Variants in MGAT4C observed in about 807,000 individuals in gnomAD.
The protein encoded by MGAT4C is MGAT4 family member C, also known as alpha-1,3-mannosyl-glycoprotein 4-beta-N-acetylglucosaminyltransferase C.
A neutral mutation model predicts 40.1 loss-of-function variants in MGAT4C; 19 were observed. That is an observed-to-expected ratio of 0.47 (90% CI 0.33 to 0.70). The LOEUF is 0.70. Among genes scored for constraint, MGAT4C ranks in the 30% least tolerant of loss-of-function variants. The probability of loss-of-function intolerance (pLI) is 0.02; values close to 1 mark genes in which losing one functional copy is unlikely to be tolerated. For missense variants in MGAT4C, 491 were observed against 563.2 expected (o/e 0.87, Z 1.30); for synonymous variants, 181 against 187.1 (o/e 0.97, Z 0.27).
chr12:86,480,160 A>T (rs73191472), intron 2 of MGAT4C, among the ~76,000 whole-genome samples: 15,232 of 151,792 alleles, frequency 0.1, 999 homozygotes, highest in Middle Eastern at 0.25. Flanking sequence ...TTTGGAAAAA[A>T]ATACACTAAA....
At chr12:86,796,741 G>A (rs2136198707) in intron 1 of MGAT4C, among the ~76,000 whole-genome samples, 1 of 151,882 alleles carries the variant, frequency 6.6e-6, no homozygotes, top group East Asian at 1.9e-4. Flanking sequence ...CCTAGATTTA[G>A]TCATTCCACA....
At chr12:86,250,625 G>A (rs1004838514) in intron 1 of MGAT4C, among the ~76,000 whole-genome samples, 2 of 152,030 alleles carry the variant, frequency 1.3e-5, no homozygotes, top group African/African-American at 2.4e-5. Flanking sequence ...AAGTAAAACA[G>A]AGTAAAAGAT....
chr12:86,676,977 G>C (rs1164860541), intron 2 of MGAT4C, among the ~76,000 whole-genome samples: 2 of 152,046 alleles, frequency 1.3e-5, no homozygotes, highest in Non-Finnish European at 2.9e-5. Context: ...TCCTATTGAA[G>C]GACCTGTGTA....
At chr12:86,094,723 C>T (rs999766411) in intron 1 of MGAT4C, among the ~76,000 whole-genome samples, 3 of 151,988 alleles carry the variant, frequency 2.0e-5, no homozygotes, top group Non-Finnish European at 4.4e-5. Flanking sequence ...GAGTATGAGG[C>T]CTTGAAATTT....
intron 1 of MGAT4C, among the ~76,000 whole-genome samples, chr12:86,828,460 T>C (rs1952851915): frequency 6.6e-6 from 1 of 151,518 alleles, no homozygotes; most frequent in African/African-American, 2.4e-5. Context: ...GCTGTATTCT[T>C]AGCTTTTAAA....
intron 1 of MGAT4C, among the ~76,000 whole-genome samples, chr12:86,770,941 A>C (rs895402165): frequency 3.9e-5 from 6 of 152,148 alleles, no homozygotes; most frequent in African/African-American, 1.4e-4. Flanking sequence ...TGTTGAGTTC[A>C]TAACTGTCAA....
intron 3 of MGAT4C, among the ~76,000 whole-genome samples, chr12:86,402,597 A>G (rs1179719386): frequency 1.3e-5 from 2 of 152,196 alleles, no homozygotes; most frequent in Non-Finnish European, 2.9e-5. Flanking sequence ...AGATATCAGT[A>G]GACAGAGATA....
chr12:86,668,445 C>T (rs1964169839), intron 2 of MGAT4C, among the ~76,000 whole-genome samples: 6 of 152,172 alleles, frequency 3.9e-5, no homozygotes, highest in Admixed American at 3.9e-4. Flanking sequence ...CTCTTTGTTT[C>T]TCCCAAGCCC....
chr12:86,143,230 G>C (rs1357332643), intron 1 of MGAT4C, among the ~76,000 whole-genome samples: 1 of 152,174 alleles, frequency 6.6e-6, no homozygotes, highest in African/African-American at 2.4e-5. Context: ...TCTACATAGT[G>C]AAGCCAGATG....
chr12:86,011,795 C>T (rs1315158030), intron 2 of MGAT4C: 2 of 979,440 alleles, frequency 2.0e-6, no homozygotes, highest in Non-Finnish European at 2.4e-6. Flanking sequence ...CAGACACAAA[C>T]TCACCATCCT....
Position 86,765,051 on chromosome 12 carries a change from G to T in MGAT4C, c.-261-37810C>A, listed in dbSNP as rs1011184697. 2.0e-5 allele frequency among the ~76,000 whole-genome samples: 3 copies of T among 152,178 alleles called. No individual in the cohort carries two copies. In the South Asian group the frequency reaches 6.2e-4, roughly 31 times the overall value. On this transcript the variant is annotated intron_variant, in intron 1 of 7. Coordinates refer to the MGAT4C transcript ENST00000548651. ...GACAAGTTGAGAGAAGAAGGCTTCA[G>T]ATGATCAAACTACTCTGAGCTACAG...
intron 1 of MGAT4C, among the ~76,000 whole-genome samples, chr12:86,214,063 G>T (rs1424188851): frequency 6.6e-6 from 1 of 152,136 alleles, no homozygotes; most frequent in Non-Finnish European, 1.5e-5. Flanking sequence ...GGACTCCCAG[G>T]CTCTATATCA....
intron 2 of MGAT4C, among the ~76,000 whole-genome samples, chr12:86,492,616 C>G (rs1183813757): frequency 1.3e-5 from 2 of 152,178 alleles, no homozygotes; most frequent in African/African-American, 2.4e-5. Flanking sequence ...GAAACTGGAT[C>G]TCTTCCTTAC....
chr12:86,053,121 C>T, intron 1 of MGAT4C, among the ~76,000 whole-genome samples: 1 of 151,788 alleles, frequency 6.6e-6, no homozygotes, highest in South Asian at 2.1e-4. Context: ...CATGTGAATG[C>T]CCACGTGTTC....
chr12:86,591,633 G>A (rs1051364936), intron 2 of MGAT4C, among the ~76,000 whole-genome samples: 1 of 151,650 alleles, frequency 6.6e-6, no homozygotes, highest in South Asian at 2.1e-4. Context: ...TTATGAAGAT[G>A]ATATATTTAA....
chr12:86,714,066 CA>C lies in MGAT4C; in HGVS notation c.-229+13142del, dbSNP rs557670071. Among the ~76,000 whole-genome samples the C allele has an allele frequency of 2.6e-5, 4 of 152,174 alleles. No homozygotes were observed. In the South Asian group the frequency reaches 8.3e-4, roughly 32 times the overall value. The stretch of plus-strand genomic sequence containing the variant: ...GCACTAAATTTTATTATCATCTTAA[CA>C]AAAATTTAACTTGAAATTTTTATAG... On this transcript the variant is annotated intron_variant, in intron 2 of 7. Coordinates refer to the MGAT4C transcript ENST00000548651.
chr12:86,344,231 T>A (rs527843832), intron 3 of MGAT4C, among the ~76,000 whole-genome samples: 1 of 152,300 alleles, frequency 6.6e-6, no homozygotes, highest in Non-Finnish European at 1.5e-5. Flanking sequence ...ACTCAATACA[T>A]TTAAAAGAAA....
In MGAT4C at chr12:86,764,989, A is replaced by G. The variant is rs576486604; in HGVS notation, c.-261-37748T>C. ...CTACTCCAAAGGAACGCAGTTCCTC[A>G]CCAGCAATGGAACAAAGCTGGACGG... On this transcript the variant is annotated intron_variant, in intron 1 of 7. Coordinates refer to the MGAT4C transcript ENST00000548651. Among the ~76,000 whole-genome samples, 5 of 152,350 alleles carry G rather than the reference A, an allele frequency of 3.3e-5. No individual in the cohort carries two copies. In the East Asian group the frequency reaches 9.7e-4, roughly 29 times the overall value.
At chr12:86,639,257 C>T (rs1304889862) in intron 2 of MGAT4C, among the ~76,000 whole-genome samples, 1 of 151,628 alleles carries the variant, frequency 6.6e-6, no homozygotes, top group Non-Finnish European at 1.5e-5. Flanking sequence ...TTATTTGTCT[C>T]TGTGTATTGA....
Sources: gnomAD v4.1 joint callset for allele counts (sites outside exome capture counted in the v4.1 genomes callset) on GRCh38, gnomAD v4.1.1 for gene constraint, MANE v1.5 for transcripts, NCBI Gene and HGNC (gene_info 2026-07-23, HGNC 2026-07-21) for gene names.